Variants in GPD1L observed in about 807,000 individuals in gnomAD.
GPD1L encodes glycerol-3-phosphate dehydrogenase 1 like, also known as glycerol-3-phosphate dehydrogenase 1-like protein.
Under a neutral mutation model 32.9 loss-of-function variants are expected in GPD1L, and 17 were observed. That is an observed-to-expected ratio of 0.52 (90% CI 0.35 to 0.78). The LOEUF is 0.78. GPD1L is among the 30% of genes least tolerant of loss of function. GPD1L has a pLI of 0.01. For synonymous variants in GPD1L, 187 were observed against 165.9 expected, an observed-to-expected ratio of 1.13 and a Z score of -0.98; for missense variants, 361 against 447.8, an observed-to-expected ratio of 0.81 and a Z score of 1.75.
chr3:32,142,069 A>G (rs1002083513), intron 4 of GPD1L, among the ~76,000 whole-genome samples: 1 of 151,502 alleles, frequency 6.6e-6, no homozygotes, highest in African/African-American at 2.4e-5. Flanking sequence ...TCCTATGTTA[A>G]CTCACTTAGG....
Position 32,128,063 on chromosome 3 carries a change from AT to A in GPD1L, c.48-10del, listed in dbSNP as rs1700537532. On this transcript the variant is annotated splice_polypyrimidine_tract_variant and intron_variant, in intron 1 of 7. Transcript: ENST00000282541. The stretch of plus-strand genomic sequence containing the variant: ...TGAGTTTATGTTTTTCTTTTCCACG[AT>A]TTCTTTTGTAGGGGTTCAGCTGTTG... 3 of 1,597,012 alleles carry A rather than the reference AT, an allele frequency of 1.9e-6. No individual in the cohort carries two copies. The South Asian group carries it at 3.3e-5, about 18-fold the overall frequency.
In GPD1L at chr3:32,166,214, G is replaced by A. The variant is rs1701145135; in HGVS notation, c.*304G>A. On this transcript the variant is annotated 3_prime_UTR_variant, in exon 8 of 8. Transcript: ENST00000282541. ...CTTATGAAATTTCCACACAATCGTAGCTTATAAGATTGGAACGATCTCAGC... is the reference window on the plus strand; with the variant it reads ...CTTATGAAATTTCCACACAATCGTAACTTATAAGATTGGAACGATCTCAGC... 4.8e-6 allele frequency: 2 copies of A among 414,684 alleles called. No homozygotes were observed. Among genetic ancestry groups the A allele is most frequent in the South Asian group, 2.3e-5 (1 of 44,358 alleles). 25.7% of individuals were successfully genotyped at this position (414,684 alleles called of 1,614,324 possible).
rs535403434 is a variant in GPD1L at position 32,116,493 on chromosome 3, A to C, written c.47+9735A>C. 4.6e-5 allele frequency among the ~76,000 whole-genome samples: 7 copies of C among 151,836 alleles called. No homozygotes were observed. The South Asian group carries it at 8.3e-4, about 18-fold the overall frequency. ...CAGATAAATTTCATCTCAGGCACTG[A>C]CTCTAGTTGATTAATGGTGGCTGCA... On this transcript the variant is annotated intron_variant, in intron 1 of 7. Transcript: ENST00000282541.
chr3:32,116,065 G>A (rs1308546932), intron 1 of GPD1L, among the ~76,000 whole-genome samples: 1 of 152,084 alleles, frequency 6.6e-6, no homozygotes, highest in African/African-American at 2.4e-5. Flanking sequence ...TGGGTTTACA[G>A]ATGTGAGCCA....
At chr3:32,154,123 G>C (rs1364513065) in intron 5 of GPD1L, among the ~76,000 whole-genome samples, 1 of 152,152 alleles carries the variant, frequency 6.6e-6, no homozygotes, top group African/African-American at 2.4e-5. Flanking sequence ...AAGTGGTGGA[G>C]GGAGAGAATG....
chr3:32,138,460 T>C, intron 2 of GPD1L, 127 bp from the exon 3 acceptor site: 1 of 912,260 alleles, frequency 1.1e-6, no homozygotes, highest in Non-Finnish European at 1.8e-6. Context: ...ACACTTGCCT[T>C]CCTTGTCTAT....
intron 5 of GPD1L, among the ~76,000 whole-genome samples, chr3:32,150,599 G>T (rs1575119495): frequency 6.6e-6 from 1 of 151,618 alleles, no homozygotes; most frequent in African/African-American, 2.4e-5. Context: ...GAATTCTCAT[G>T]CCTCAGCCTC....
chr3:32,157,917 C>G (rs1436260078), intron 5 of GPD1L, among the ~76,000 whole-genome samples: 1 of 152,190 alleles, frequency 6.6e-6, no homozygotes. Flanking sequence ...AGAGGCCATG[C>G]AGAGAGTGAG....
chr3:32,118,233 C>G (rs995316180), intron 1 of GPD1L, among the ~76,000 whole-genome samples: 4 of 152,146 alleles, frequency 2.6e-5, no homozygotes, highest in African/African-American at 9.7e-5. Context: ...CTAACACATG[C>G]CTGTTTGGGA....
At chr3:32,115,701 T>C (rs112667815) in intron 1 of GPD1L, among the ~76,000 whole-genome samples, 303 of 147,116 alleles carry the variant, frequency 2.1e-3, no homozygotes, top group African/African-American at 7.0e-3. Flanking sequence ...TTCATGTAGC[T>C]ACCTCAGCTT....
intron 5 of GPD1L, among the ~76,000 whole-genome samples, chr3:32,156,407 A>G (rs1269977660): frequency 6.6e-6 from 1 of 152,154 alleles, no homozygotes; most frequent in African/African-American, 2.4e-5. Flanking sequence ...TTTCCTTTCT[A>G]TGTTGACTGC....
chr3:32,115,758 C>CTTTTTTTTTTTTTTTTTTTTTTTTTTTT lies in GPD1L; in HGVS notation c.47+9021_47+9048dup, dbSNP rs539068850. Reference sequence around the variant, plus strand: ...CTAAACCCTTTTCGTGTACGTTGAACTTTTTTTTTTTTTTTTTTTTTTTTT... The same window carrying CTTTTTTTTTTTTTTTTTTTTTTTTTTTT: ...CTAAACCCTTTTCGTGTACGTTGAACTTTTTTTTTTTTTTTTTTTTTTTTTTTTTTTTTTTTTTTTTTTTTTTTTTTTT... On this transcript the variant is annotated intron_variant, in intron 1 of 7. Transcript: ENST00000282541. 1.6e-4 allele frequency among the ~76,000 whole-genome samples: 7 copies of CTTTTTTTTTTTTTTTTTTTTTTTTTTTT among 45,086 alleles called. 3 individuals are homozygous for CTTTTTTTTTTTTTTTTTTTTTTTTTTTT. The highest frequency in any genetic ancestry group is 2.4e-4 in the Non-Finnish European group (5 of 20,538). 29.6% of individuals were successfully genotyped at this position (45,086 alleles called of 152,430 possible).
intron 4 of GPD1L, among the ~76,000 whole-genome samples, chr3:32,145,045 G>A (rs1700800373): frequency 6.6e-6 from 1 of 151,680 alleles, no homozygotes; most frequent in Non-Finnish European, 1.5e-5. Flanking sequence ...CGGGCCGGGT[G>A]CGGTGGCTCA....
chr3:32,159,094 C>A lies in GPD1L; in HGVS notation c.837C>A (p.Phe279Leu). 1 of 1,613,460 alleles carries A rather than the reference C, an allele frequency of 6.2e-7. No homozygotes were observed. Among genetic ancestry groups the A allele is most frequent in the Non-Finnish European group, 8.5e-7 (1 of 1,179,790 alleles). ...GGRNRRVAEA[F>L]ARTGKTIEEL... ...GGAACCGCAGGGTGGCCGAGGCCTT[C>A]GCCAGAACTGGGAAGGTAGCCCCTC... is the stretch of plus-strand genomic sequence containing the variant. The change falls in exon 6 of 8, where the codon TTC (phenylalanine) becomes TTA (leucine). Residue 279 changes from phenylalanine to leucine, a missense_variant. Coordinates refer to ENST00000282541, the MANE Select transcript of GPD1L (RefSeq NM_015141.4).
chr3:32,162,681 C>T (rs911617537), intron 7 of GPD1L, among the ~76,000 whole-genome samples: 7 of 152,118 alleles, frequency 4.6e-5, no homozygotes, highest in African/African-American at 1.7e-4. Context: ...GACCGTGTCA[C>T]ATTCTGAGAT....
At chr3:32,118,937 G>A (rs769752121) in intron 1 of GPD1L, among the ~76,000 whole-genome samples, 2 of 152,142 alleles carry the variant, frequency 1.3e-5, no homozygotes, top group Non-Finnish European at 2.9e-5. Context: ...ATGTTGTAAC[G>A]TATGTCAGAA....
At chr3:32,138,541 G>A (rs1478564812) in intron 2 of GPD1L, 46 bp from the exon 3 acceptor site, 1 of 1,601,926 alleles carries the variant, frequency 6.2e-7, no homozygotes, top group Non-Finnish European at 8.6e-7. Context: ...GACAGGCAAG[G>A]TTTGATATAA....
chr3:32,106,629 A>T lies in GPD1L; in HGVS notation c.-83A>T. 1 of 1,328,616 alleles carries T rather than the reference A, an allele frequency of 7.5e-7. No individual in the cohort carries two copies. Among genetic ancestry groups the T allele is most frequent in the Non-Finnish European group, 9.8e-7 (1 of 1,015,834 alleles). The allele number at this position is 1,328,616 out of a possible 1,614,324, so 82.3% of individuals were successfully genotyped here. A position where few individuals can be genotyped will look rare whatever the true frequency, so the allele number is the denominator to read the frequency against. On this transcript the variant is annotated 5_prime_UTR_variant, in exon 1 of 8. Coordinates refer to ENST00000282541, the MANE Select transcript of GPD1L (RefSeq NM_015141.4). The surrounding 1 kb of genome is among the most constrained non-coding windows in gnomAD (Gnocchi z 4.0). Reference sequence around the variant, plus strand: ...AGGCGAAAGGGGCGGGGCCGCCGCCAGCCGCTGCGGGCAAGGCTGAACAGG... The same window carrying T: ...AGGCGAAAGGGGCGGGGCCGCCGCCTGCCGCTGCGGGCAAGGCTGAACAGG...
intron 4 of GPD1L, among the ~76,000 whole-genome samples, chr3:32,145,886 TA>T (rs1252727720): frequency 2.0e-5 from 3 of 151,148 alleles, no homozygotes; most frequent in East Asian, 3.9e-4. Flanking sequence ...TATTGTGTTT[TA>T]TTATGAAACT....
Sources: allele counts gnomAD v4.1 joint callset (sites outside exome capture counted in the v4.1 genomes callset), GRCh38; gene constraint gnomAD v4.1.1; non-coding constraint Gnocchi (gnomAD v3.1); transcripts MANE v1.5; gene names NCBI Gene and HGNC (gene_info 2026-07-23, HGNC 2026-07-21).